UTY: variants seen among roughly 807,000 people sequenced by gnomAD.
The protein encoded by UTY is histone demethylase UTY.
UTY carries 12 observed loss-of-function variants against 32.5 expected under a neutral mutation model. The ratio of observed to expected loss-of-function variants is 0.37; its 90% CI spans 0.24 to 0.60. The LOEUF (loss-of-function observed/expected upper bound fraction) is 0.60, where lower values mean the gene tolerates loss of function less well. Ranked by LOEUF, UTY falls within the 20% of genes least tolerant of loss-of-function variation. The pLI is 0.69. For missense variants in UTY, 303 were observed against 299.2 expected (o/e 1.01, Z -0.09); for synonymous variants, 131 against 103.4 (o/e 1.27, Z -1.62).
chrY:13,270,045 T>A (rs2056198340), intron 27 of UTY, among the ~76,000 whole-genome samples: 5 of 34,380 alleles, frequency 1.5e-4, no homozygotes, highest in African/African-American at 5.7e-4. Context: ...TAAGACTTTT[T>A]TTTAGTTGTT....
At chrY:13,356,259 C>A (rs758705231) in intron 15 of UTY, among the ~76,000 whole-genome samples, 1 of 32,178 alleles carries the variant, frequency 3.1e-5, no homozygotes, top group Non-Finnish European at 7.6e-5. Context: ...GGGATCACGC[C>A]ATTCTCCTGC....
At chrY:13,431,503 A>T in intron 4 of UTY, among the ~76,000 whole-genome samples, 1 of 32,985 alleles carries the variant, frequency 3.0e-5, no homozygotes, top group South Asian at 6.9e-4. Context: ...AAAAAATACT[A>T]GCAAACTGAG....
At chrY:13,300,892 T>C in intron 25 of UTY, among the ~76,000 whole-genome samples, 1 of 26,934 alleles carries the variant, frequency 3.7e-5, no homozygotes, top group Admixed American at 3.5e-4. Flanking sequence ...TTTCCATAAC[T>C]TTTTTTTTTT....
chrY:13,264,686 A>T, intron 27 of UTY, among the ~76,000 whole-genome samples: 1 of 32,640 alleles, frequency 3.1e-5, no homozygotes, highest in African/African-American at 1.2e-4. Context: ...GATTGCAAAA[A>T]TTTTTCTCCC....
rs199788244 is a variant in UTY at position 13,281,894 on chromosome Y, T to A, written c.4010+15813A>T. Among the ~76,000 whole-genome samples, 61 of 33,356 alleles carry A rather than the reference T, an allele frequency of 1.8e-3. No individual in the cohort carries two copies. The East Asian group carries it at 0.045, about 25-fold the overall frequency. The allele number at this position is 33,356 out of a possible 37,273, so 89.5% of individuals were successfully genotyped here. ...ATGAACCAAGCAGCATTGGACTTAGTATGCATTATAGACCAAATGGACCTG... is the reference window on the plus strand; with the variant it reads ...ATGAACCAAGCAGCATTGGACTTAGAATGCATTATAGACCAAATGGACCTG... On this transcript the variant is annotated intron_variant, in intron 27 of 29. Coordinates refer to ENST00000545955, the MANE Select transcript of UTY (RefSeq NM_001258249.2).
intron 6 of UTY, among the ~76,000 whole-genome samples, chrY:13,409,811 C>T: frequency 9.1e-5 from 3 of 33,131 alleles, no homozygotes; most frequent in Admixed American, 2.7e-4. Context: ...AGATCAAATC[C>T]GAGTAAAAAC....
At chrY:13,268,422 C>T (rs1023477136) in intron 27 of UTY, among the ~76,000 whole-genome samples, 8 of 33,414 alleles carry the variant, frequency 2.4e-4, no homozygotes, top group Non-Finnish European at 5.2e-4. Flanking sequence ...GTTAGCAATT[C>T]GTCTAACCTT....
intron 28 of UTY, among the ~76,000 whole-genome samples, chrY:13,240,037 C>T (rs2053883973): frequency 3.0e-5 from 1 of 33,066 alleles, no homozygotes; most frequent in Admixed American, 2.7e-4. Context: ...TACAGAACCT[C>T]ACATACCAAC....
intron 27 of UTY, among the ~76,000 whole-genome samples, chrY:13,282,455 T>C: frequency 6.0e-5 from 2 of 33,438 alleles, no homozygotes; most frequent in Non-Finnish European, 1.5e-4. Flanking sequence ...TAGTTAAAAA[T>C]CAACTCATAA....
chrY:13,411,192 G>T, intron 5 of UTY, 79 bp from the exon 6 acceptor site: 1 of 260,640 alleles, frequency 3.8e-6, no homozygotes, highest in Non-Finnish European at 5.3e-6. Flanking sequence ...GAAACATTCT[G>T]GTTATTTAAT....
intron 27 of UTY, among the ~76,000 whole-genome samples, chrY:13,272,845 T>A (rs752280322): frequency 3.0e-5 from 1 of 33,601 alleles, no homozygotes; most frequent in East Asian, 7.7e-4. Context: ...CAAGTGATTC[T>A]CCCTTTTCAG....
At chrY:13,475,441 A>C in intron 2 of UTY, among the ~76,000 whole-genome samples, 1 of 34,197 alleles carries the variant, frequency 2.9e-5, no homozygotes. Context: ...TTTAAAATAC[A>C]AATTAGCTCT....
At chrY:13,270,346 G>A (rs963485113) in intron 27 of UTY, among the ~76,000 whole-genome samples, 3 of 33,173 alleles carry the variant, frequency 9.0e-5, no homozygotes, top group Non-Finnish European at 2.2e-4. Flanking sequence ...ATAGGAAAAC[G>A]CACACCCGTG....
chrY:13,480,484 A>G, upstream of UTY: 1 of 33,098 alleles, frequency 3.0e-5, no homozygotes, highest in African/African-American at 1.2e-4. Context: ...CTTCACCCTC[A>G]AGACTTTTGG....
At chrY:13,470,940 C>T in intron 2 of UTY, among the ~76,000 whole-genome samples, 2 of 33,314 alleles carry the variant, frequency 6.0e-5, no homozygotes, top group Admixed American at 2.8e-4. Context: ...CTGAGATGTG[C>T]TGTGTTTCAA....
intron 18 of UTY, among the ~76,000 whole-genome samples, chrY:13,330,212 A>G (rs2060578727): frequency 3.0e-5 from 1 of 33,680 alleles, no homozygotes; most frequent in Non-Finnish European, 7.4e-5. Flanking sequence ...TATCTAATAC[A>G]GTGATAAGAT....
intron 10 of UTY, among the ~76,000 whole-genome samples, chrY:13,363,107 T>C: frequency 3.1e-5 from 1 of 32,357 alleles, no homozygotes; most frequent in Non-Finnish European, 7.6e-5. Flanking sequence ...TTTCACCATA[T>C]TGGCCAGGCT....
At chrY:13,286,588 C>A in intron 27 of UTY, 1 of 370,440 alleles carries the variant, frequency 2.7e-6, no homozygotes, top group Non-Finnish European at 3.8e-6. Flanking sequence ...GTGCCTGGTG[C>A]GGGAGCTATG....
chrY:13,458,506 G>T (rs2077033200), intron 3 of UTY, among the ~76,000 whole-genome samples: 1 of 33,416 alleles, frequency 3.0e-5, no homozygotes, highest in Non-Finnish European at 7.4e-5. Flanking sequence ...GCATTTCTCT[G>T]ATGGCCAGTG....
Sources: gnomAD v4.1 joint callset for allele counts (sites outside exome capture counted in the v4.1 genomes callset) on GRCh38, gnomAD v4.1.1 for gene constraint, MANE v1.5 for transcripts, NCBI Gene and HGNC (gene_info 2026-07-23, HGNC 2026-07-21) for gene names.